The following REDIC1 variants were observed in gnomAD, a reference collection of about 807,000 sequenced individuals.
REDIC1 encodes HEI10 Interacting Protein 1.
At chr12:39,833,853 C>G in the REDIC1 span, among the ~76,000 whole-genome samples, 1 of 150,926 alleles carries the variant, frequency 6.6e-6, no homozygotes, top group Non-Finnish European at 1.5e-5. Context: ...GAGCTCACAC[C>G]CTAATCTTTT....
At chr12:39,860,647 CT>C in the REDIC1 span, among the ~76,000 whole-genome samples, 2 of 152,232 alleles carry the variant, frequency 1.3e-5, no homozygotes, top group East Asian at 1.9e-4. Flanking sequence ...TTTAGTCCAC[CT>C]TTTTTCTCAT....
the REDIC1 span, among the ~76,000 whole-genome samples, chr12:39,874,490 C>T: frequency 1.3e-5 from 2 of 151,880 alleles, no homozygotes; most frequent in African/African-American, 2.4e-5. Context: ...TAGCGGGCAC[C>T]TGTAATCCTA....
chr12:39,711,809 A>ATGTGTGTGTACACATGCATGTGTATG, the REDIC1 span, among the ~76,000 whole-genome samples: 1 of 75,744 alleles, frequency 1.3e-5, no homozygotes, highest in East Asian at 4.6e-4. Flanking sequence ...ATGCATGTGT[A>ATGTGTGTGTACACATGCATGTGTATG]TGTGTGTACA....
the REDIC1 span, among the ~76,000 whole-genome samples, chr12:39,857,063 T>A: frequency 6.6e-6 from 1 of 152,242 alleles, no homozygotes; most frequent in Non-Finnish European, 1.5e-5. Context: ...GTTGGTTTCA[T>A]GTGTTCACTG....
chr12:39,655,039 T>C, the REDIC1 span, among the ~76,000 whole-genome samples: 1 of 152,226 alleles, frequency 6.6e-6, no homozygotes, highest in South Asian at 2.1e-4. Flanking sequence ...TAGTATACCC[T>C]TGAAATCCTT....
chr12:39,864,959 A>G, the REDIC1 span: 1 of 1,364,870 alleles, frequency 7.3e-7, no homozygotes, highest in Admixed American at 2.4e-5. Context: ...GTAAAAACAA[A>G]CCAAAAAACA....
the REDIC1 span, among the ~76,000 whole-genome samples, chr12:39,785,913 C>T: frequency 3.3e-5 from 5 of 152,226 alleles, no homozygotes; most frequent in African/African-American, 1.2e-4. Flanking sequence ...CTGAATTTAC[C>T]CAATACCTGT....
the REDIC1 span, among the ~76,000 whole-genome samples, chr12:39,640,632 A>G: frequency 6.6e-6 from 1 of 151,942 alleles, no homozygotes; most frequent in Non-Finnish European, 1.5e-5. Flanking sequence ...TATTGCTATC[A>G]GATAAGAATG....
At chr12:39,731,835 T>TTG in the REDIC1 span, among the ~76,000 whole-genome samples, 1 of 151,324 alleles carries the variant, frequency 6.6e-6, no homozygotes, top group Non-Finnish European at 1.5e-5. Flanking sequence ...GCCTTTCTTT[T>TTG]TTTTTTTTTG....
At chr12:39,704,905 C>T in the REDIC1 span, among the ~76,000 whole-genome samples, 1 of 151,990 alleles carries the variant, frequency 6.6e-6, no homozygotes. Context: ...GGGAACATCA[C>T]ACTCTGGGGA....
chr12:39,893,035 A>G, the REDIC1 span, among the ~76,000 whole-genome samples: 2 of 152,206 alleles, frequency 1.3e-5, no homozygotes, highest in African/African-American at 4.8e-5. Context: ...CAATTAAGAT[A>G]TTTTCACATT....
the REDIC1 span, among the ~76,000 whole-genome samples, chr12:39,770,579 A>G: frequency 6.6e-6 from 1 of 152,166 alleles, no homozygotes; most frequent in Admixed American, 6.5e-5. Context: ...GAGATCGGGG[A>G]AAGAACTGTA....
the REDIC1 span, among the ~76,000 whole-genome samples, chr12:39,636,133 C>A: frequency 1.3e-5 from 2 of 151,896 alleles, no homozygotes; most frequent in Non-Finnish European, 2.9e-5. Flanking sequence ...TCTGAAATAT[C>A]TTCCACTGTG....
chr12:39,659,106 A>G, the REDIC1 span, among the ~76,000 whole-genome samples: 1 of 152,048 alleles, frequency 6.6e-6, no homozygotes, highest in Non-Finnish European at 1.5e-5. Context: ...TAATCTTTGT[A>G]TATTTGCAAA....
the REDIC1 span, among the ~76,000 whole-genome samples, chr12:39,729,240 A>G: frequency 6.6e-6 from 1 of 151,964 alleles, no homozygotes; most frequent in Non-Finnish European, 1.5e-5. Context: ...AGTTCTTTTA[A>G]TTGGGATGTT....
chr12:39,821,358 C>T, the REDIC1 span, among the ~76,000 whole-genome samples: 4 of 151,670 alleles, frequency 2.6e-5, no homozygotes, highest in Non-Finnish European at 5.9e-5. Context: ...TGCAGTGAGC[C>T]GAGATTGTGC....
chr12:39,823,601 TAGC>T, the REDIC1 span, among the ~76,000 whole-genome samples: 1 of 149,444 alleles, frequency 6.7e-6, no homozygotes, highest in African/African-American at 2.4e-5. Context: ...TAATAATCTT[TAGC>T]CAGGATGATG....
At chr12:39,705,187 A>G in the REDIC1 span, among the ~76,000 whole-genome samples, 27 of 152,116 alleles carry the variant, frequency 1.8e-4, no homozygotes, top group African/African-American at 5.8e-4. Context: ...ATGAATGACT[A>G]CATGCCAATA....
At chr12:39,830,336 T>C in the REDIC1 span, 2 of 1,478,186 alleles carry the variant, frequency 1.4e-6, no homozygotes, top group African/African-American at 2.8e-5. Flanking sequence ...TGCAGTAAGC[T>C]TGGGGCCTTG....
Sources: allele counts gnomAD v4.1 joint callset (sites outside exome capture counted in the v4.1 genomes callset), GRCh38; gene constraint gnomAD v4.1.1; transcripts MANE v1.5; gene names NCBI Gene and HGNC (gene_info 2026-07-23, HGNC 2026-07-21).